Variants in SPATA16 observed in about 807,000 individuals in gnomAD.
SPATA16 encodes the protein spermatogenesis-associated protein 16.
Under a neutral mutation model 63.3 loss-of-function variants are expected in SPATA16, and 36 were observed. That is an observed-to-expected ratio of 0.57 (90% confidence interval 0.44 to 0.75). The LOEUF is 0.75. Ranked by LOEUF, SPATA16 falls within the 30% of genes least tolerant of loss-of-function variation. The probability of loss-of-function intolerance (pLI) is 0.00; values close to 1 mark genes in which losing one functional copy is unlikely to be tolerated. For missense variants in SPATA16, 646 were observed against 679.3 expected (o/e 0.95, Z 0.54); for synonymous variants, 203 against 216.7 (o/e 0.94, Z 0.56).
chr3:173,028,015 CTTCCTTCT>C (rs1296711445), intron 3 of SPATA16, among the ~76,000 whole-genome samples: 2 of 55,460 alleles, frequency 3.6e-5, no homozygotes, highest in African/African-American at 1.8e-4. Context: ...CCCTCCCTCC[CTTCCTTCT>C]TTCCTTCCTT....
At chr3:173,056,724 A>G (rs1051492346) in intron 2 of SPATA16, among the ~76,000 whole-genome samples, 10 of 150,896 alleles carry the variant, frequency 6.6e-5, no homozygotes, top group African/African-American at 1.7e-4. Flanking sequence ...AAAAAAAAAA[A>G]AAAAAGAAAT....
intron 2 of SPATA16, among the ~76,000 whole-genome samples, chr3:173,086,709 T>C (rs1425429941): frequency 6.6e-6 from 1 of 152,198 alleles, no homozygotes; most frequent in Non-Finnish European, 1.5e-5. Flanking sequence ...CTGCTTTAGC[T>C]GTGTCCCAGA....
At chr3:172,954,287 G>C (rs1733519336) in intron 6 of SPATA16, among the ~76,000 whole-genome samples, 1 of 152,114 alleles carries the variant, frequency 6.6e-6, no homozygotes, top group Admixed American at 6.6e-5. Flanking sequence ...TTGTGCAGGG[G>C]AACTCCCACT....
At chr3:172,967,915 C>G (rs78484039) in intron 5 of SPATA16, among the ~76,000 whole-genome samples, 1,647 of 152,232 alleles carry the variant, frequency 0.011, 25 homozygotes, top group African/African-American at 0.038. Context: ...TTATGTATCA[C>G]AATATAATAG....
intron 2 of SPATA16, among the ~76,000 whole-genome samples, chr3:173,105,338 T>G (rs2108328144): frequency 6.6e-6 from 1 of 152,312 alleles, no homozygotes; most frequent in Non-Finnish European, 1.5e-5. Context: ...TGGGTTGCAG[T>G]GATAACCATT....
intron 2 of SPATA16, among the ~76,000 whole-genome samples, chr3:173,062,703 A>G (rs1736410080): frequency 6.6e-6 from 1 of 152,212 alleles, no homozygotes; most frequent in East Asian, 1.9e-4. Context: ...GTTAGTCACA[A>G]TTAAATATTA....
At chr3:173,100,791 T>A (rs1307536773) in intron 2 of SPATA16, among the ~76,000 whole-genome samples, 2 of 152,102 alleles carry the variant, frequency 1.3e-5, no homozygotes, top group African/African-American at 4.8e-5. Flanking sequence ...TAAAAAGATG[T>A]GCTTACCATT....
intron 4 of SPATA16, among the ~76,000 whole-genome samples, chr3:173,018,384 C>T (rs997029572): frequency 9.2e-5 from 14 of 151,580 alleles, no homozygotes; most frequent in African/African-American, 3.4e-4. Flanking sequence ...AAGCGATTCT[C>T]CTACCTCAAC....
intron 10 of SPATA16, among the ~76,000 whole-genome samples, chr3:172,913,028 G>A (rs1208621757): frequency 6.6e-6 from 1 of 152,198 alleles, no homozygotes; most frequent in African/African-American, 2.4e-5. Flanking sequence ...GGAGGAAGAT[G>A]AATGGGGAGT....
intron 2 of SPATA16, among the ~76,000 whole-genome samples, chr3:173,089,093 C>T (rs1056224542): frequency 2.6e-5 from 4 of 152,090 alleles, no homozygotes; most frequent in Non-Finnish European, 4.4e-5. Flanking sequence ...CCAGGTGACC[C>T]TTGAACTTTG....
intron 8 of SPATA16, among the ~76,000 whole-genome samples, chr3:172,917,302 A>G (rs532691827): frequency 5.8e-4 from 88 of 152,332 alleles, no homozygotes; most frequent in Middle Eastern, 3.4e-3. Flanking sequence ...TCTTAAGTTT[A>G]TCTTTAAGAA....
chr3:172,971,205 C>T (rs1734040130), intron 5 of SPATA16, among the ~76,000 whole-genome samples: 1 of 152,118 alleles, frequency 6.6e-6, no homozygotes, highest in African/African-American at 2.4e-5. Flanking sequence ...CAACTTTCTT[C>T]AAAAATTCTA....
chr3:172,905,618 T>A (rs1189844482), intron 10 of SPATA16, among the ~76,000 whole-genome samples: 1 of 152,134 alleles, frequency 6.6e-6, no homozygotes, highest in Non-Finnish European at 1.5e-5. Context: ...TCCATCACAT[T>A]TTCATCCTAA....
intron 1 of SPATA16, among the ~76,000 whole-genome samples, chr3:173,128,600 G>A (rs1738289702): frequency 1.3e-5 from 2 of 152,140 alleles, no homozygotes; most frequent in Admixed American, 1.3e-4. Context: ...TCATGCAAAT[G>A]GTTATGGCAT....
At chr3:173,043,576 A>G (rs1268252725) in intron 3 of SPATA16, among the ~76,000 whole-genome samples, 1 of 151,988 alleles carries the variant, frequency 6.6e-6, no homozygotes, top group Non-Finnish European at 1.5e-5. Context: ...AAGAAAATAC[A>G]GTCTTTTATA....
chr3:173,104,025 G>A (rs1479901810), intron 2 of SPATA16, among the ~76,000 whole-genome samples: 1 of 152,114 alleles, frequency 6.6e-6, no homozygotes, highest in African/African-American at 2.4e-5. Context: ...AGATAGTCTA[G>A]GTCATCACTC....
intron 2 of SPATA16, among the ~76,000 whole-genome samples, chr3:173,095,378 T>G (rs1433058128): frequency 6.6e-6 from 1 of 152,176 alleles, no homozygotes; most frequent in Non-Finnish European, 1.5e-5. Context: ...TATTAATTTT[T>G]TGTTGGCTAT....
At chr3:173,122,767 G>T in intron 1 of SPATA16, among the ~76,000 whole-genome samples, 1 of 152,306 alleles carries the variant, frequency 6.6e-6, no homozygotes, top group East Asian at 1.9e-4. Context: ...AGGAGTGGAG[G>T]TGGAGGATGA....
intron 5 of SPATA16, among the ~76,000 whole-genome samples, chr3:172,968,614 C>T (rs767436374): frequency 1.3e-5 from 2 of 152,304 alleles, no homozygotes; most frequent in Admixed American, 6.5e-5. Context: ...CTCTCTCCCC[C>T]CTTTCTTCCC....
Sources: allele counts gnomAD v4.1 joint callset (sites outside exome capture counted in the v4.1 genomes callset), GRCh38; gene constraint gnomAD v4.1.1; transcripts MANE v1.5; gene names NCBI Gene and HGNC (gene_info 2026-07-23, HGNC 2026-07-21).